Variants in PAFAH1B2 observed in about 807,000 individuals in gnomAD.
PAFAH1B2 encodes the protein platelet-activating factor acetylhydrolase IB subunit alpha2.
PAFAH1B2 carries 8 observed loss-of-function variants against 28.0 expected under a neutral mutation model. That is an observed-to-expected ratio of 0.29 (90% CI 0.17 to 0.52). PAFAH1B2 has a LOEUF of 0.52. Ranked by LOEUF, PAFAH1B2 falls within the 20% of genes least tolerant of loss-of-function variation. The pLI, the probability that PAFAH1B2 is intolerant of heterozygous loss-of-function variation, is 0.97. For synonymous variants in PAFAH1B2, 104 were observed against 103.2 expected (o/e 1.01, Z -0.05); for missense variants, 190 against 282.6 (o/e 0.67, Z 2.35).
chr11:117,175,124 A>C (rs914193964), downstream of PAFAH1B2: 24 of 1,236,252 alleles, frequency 1.9e-5, no homozygotes, highest in African/African-American at 3.7e-4. Context: ...ATATAAGTCA[A>C]ATAAGCCTTA....
downstream of PAFAH1B2, chr11:117,174,933 C>T (rs1026717002): frequency 1.3e-6 from 2 of 1,525,746 alleles, no homozygotes; most frequent in African/African-American, 1.4e-5. Context: ...GTCATTTTAA[C>T]AATACCCCTG....
chr11:117,152,496 G>C lies in PAFAH1B2; in HGVS notation c.49G>C (p.Asp17His). The change falls in exon 2 of 6, where the codon GAT (aspartate) becomes CAT (histidine). Residue 17 changes from aspartate to histidine, a missense_variant. By Grantham distance (81) the Asp-to-His change is moderately conservative. Coordinates refer to ENST00000527958, the MANE Select transcript of PAFAH1B2 (RefSeq NM_002572.4). Reference protein sequence around the residue: ...NPAAIPHAAEDIQGDDRWMSQ... With the variant: ...NPAAIPHAAEHIQGDDRWMSQ... Reference sequence around the variant, plus strand: ...AGCAGCTATTCCGCATGCAGCAGAAGATATTCAAGGAGATGACCGATGGAT... The same window carrying C: ...AGCAGCTATTCCGCATGCAGCAGAACATATTCAAGGAGATGACCGATGGAT... 6.2e-7 allele frequency: 1 copy of C among 1,613,826 alleles called. No homozygotes were observed. Among genetic ancestry groups the C allele is most frequent in the Non-Finnish European group, 8.5e-7 (1 of 1,179,684 alleles).
At chr11:117,175,187 A>G (rs2029904802), downstream of PAFAH1B2, 4 of 1,127,400 alleles carry the variant, frequency 3.5e-6, no homozygotes, top group African/African-American at 1.6e-5. Context: ...CTCTTTGTAT[A>G]TTATGCCAGG....
chr11:117,175,859 C>T, downstream of PAFAH1B2: 2 of 1,520,388 alleles, frequency 1.3e-6, no homozygotes, highest in Non-Finnish European at 1.8e-6. Context: ...GCCAGGAGTT[C>T]AAGACCAGCC....
intron 3 of PAFAH1B2, among the ~76,000 whole-genome samples, chr11:117,160,563 T>G (rs1332266980): frequency 6.6e-6 from 1 of 152,188 alleles, no homozygotes; most frequent in Non-Finnish European, 1.5e-5. Flanking sequence ...GCTCAAGAGA[T>G]TCTCATACCT....
chr11:117,157,039 G>GA (rs918067395), intron 2 of PAFAH1B2, among the ~76,000 whole-genome samples: 8 of 138,080 alleles, frequency 5.8e-5, no homozygotes, highest in South Asian at 2.4e-4. Flanking sequence ...TCTCAAAAAA[G>GA]AAAAAAAAAA....
At chr11:117,145,810 C>T (rs945524297) in intron 1 of PAFAH1B2, among the ~76,000 whole-genome samples, 1 of 152,180 alleles carries the variant, frequency 6.6e-6, no homozygotes, top group Non-Finnish European at 1.5e-5. Flanking sequence ...ATCTGTTTTC[C>T]TGGTTCAGAC....
intron 2 of PAFAH1B2, among the ~76,000 whole-genome samples, chr11:117,156,958 A>C (rs1339300970): frequency 6.6e-6 from 1 of 151,454 alleles, no homozygotes; most frequent in African/African-American, 2.4e-5. Context: ...TTGGGGCTGC[A>C]GTGAGCTGCC....
At chr11:117,160,076 A>G (rs903467186) in intron 3 of PAFAH1B2, 53 bp downstream of exon 3, 5 of 1,177,354 alleles carry the variant, frequency 4.2e-6, no homozygotes, top group African/African-American at 3.0e-5. Flanking sequence ...ATATCCATTC[A>G]TTACTAACAG....
downstream of PAFAH1B2, among the ~76,000 whole-genome samples, chr11:117,172,396 ATATATATATTTTTTTTTTTTT>A (rs1956689258): frequency 2.4e-3 from 6 of 2,498 alleles, no homozygotes; most frequent in Admixed American, 0.02. Context: ...ATATATATAT[ATATATATATTTTTTTTTTTTT>A]TTTTTTTTTT....
rs1956132880 is a variant in PAFAH1B2 at position 117,150,839 on chromosome 11, T to TTTTTAG, written c.-7-1601_-7-1600insTTTAGT. 9.2e-5 allele frequency among the ~76,000 whole-genome samples: 14 copies of TTTTTAG among 151,990 alleles called. No individual in the cohort carries two copies. In the South Asian group the frequency reaches 2.9e-3, roughly 32 times the overall value. ...CGTCTCTACTAAAAATACAAAAAAA[T>TTTTTAG]TAGCTGGGCGTGGTGGCGGGCGCTT... is the stretch of plus-strand genomic sequence containing the variant. On this transcript the variant is annotated intron_variant, in intron 1 of 5. Coordinates refer to ENST00000527958, the MANE Select transcript of PAFAH1B2 (RefSeq NM_002572.4).
chr11:117,174,164 T>TGTGTGTGTGTGTGTGTGTG (rs1555034628), downstream of PAFAH1B2, among the ~76,000 whole-genome samples: 44 of 138,916 alleles, frequency 3.2e-4, no homozygotes, highest in Non-Finnish European at 5.1e-4. Context: ...TTCATGTCTT[T>TGTGTGTGTGTGTGTGTGTG]TGTGTGTGTG....
intron 4 of PAFAH1B2, among the ~76,000 whole-genome samples, chr11:117,162,846 G>A (rs1336853834): frequency 6.6e-6 from 1 of 151,894 alleles, no homozygotes; most frequent in Non-Finnish European, 1.5e-5. Context: ...TTTATACCGT[G>A]ACAGGTTCTT....
chr11:117,152,524 C>G lies in PAFAH1B2; in HGVS notation c.77C>G (p.Ser26Cys). The G allele has an allele frequency of 1.2e-6, 2 of 1,607,040 alleles. No individual in the cohort carries two copies. Among genetic ancestry groups the G allele is most frequent in the Non-Finnish European group, 1.7e-6 (2 of 1,173,506 alleles). The change falls in exon 2 of 6, where the codon TCT (serine) becomes TGT (cysteine). Residue 26 changes from serine to cysteine, a missense_variant. Physicochemically the swap from Ser to Cys is moderately radical, Grantham distance 112. Coordinates refer to ENST00000527958, the MANE Select transcript of PAFAH1B2 (RefSeq NM_002572.4). ...ATTCAAGGAGATGACCGATGGATGTCTCAGGTAAAAGGAAGTGCATGTGTA... is the reference window on the plus strand; with the variant it reads ...ATTCAAGGAGATGACCGATGGATGTGTCAGGTAAAAGGAAGTGCATGTGTA... ...EDIQGDDRWM[S>C]QHNRFVLDCK...
At chr11:117,152,676 C>T in intron 2 of PAFAH1B2, 148 bp downstream of exon 2, 2 of 639,142 alleles carry the variant, frequency 3.1e-6, no homozygotes, top group East Asian at 5.4e-5. Flanking sequence ...CTTCAGCCTC[C>T]CATATAGCTG....
chr11:117,172,375 TATATATATATATATATATATA>T (rs1956676746), downstream of PAFAH1B2, among the ~76,000 whole-genome samples: 11 of 2,492 alleles, frequency 4.4e-3, no homozygotes, highest in African/African-American at 0.012. Flanking sequence ...TATATATATA[TATATATATATATATATATATA>T]TATATATATT....
At chr11:117,167,400 A>G (rs1223401641) in intron 5 of PAFAH1B2, 21 bp from the exon 6 acceptor site, 1 of 1,526,822 alleles carries the variant, frequency 6.5e-7, no homozygotes, top group African/African-American at 1.4e-5. Flanking sequence ...TTCTAATTTA[A>G]TGTTTTCCAC....
chr11:117,170,776 A>C lies in PAFAH1B2; in HGVS notation c.*3077A>C. On this transcript the variant is annotated 3_prime_UTR_variant, in exon 6 of 6. Coordinates refer to ENST00000527958, the MANE Select transcript of PAFAH1B2 (RefSeq NM_002572.4). Reference sequence around the variant, plus strand: ...TTATATTTATTGCAGTGAAGAAGAAACTAAAAATATATGGAAATGAGGAGC... The same window carrying C: ...TTATATTTATTGCAGTGAAGAAGAACCTAAAAATATATGGAAATGAGGAGC... The C allele has an allele frequency of 9.4e-7, 1 of 1,060,616 alleles. No individual in the cohort carries two copies. Among genetic ancestry groups the C allele is most frequent in the Non-Finnish European group, 1.1e-6 (1 of 876,314 alleles). 65.7% of individuals were successfully genotyped at this position (1,060,616 alleles called of 1,614,324 possible).
At chr11:117,151,705 AGT>A (rs923949145) in intron 1 of PAFAH1B2, among the ~76,000 whole-genome samples, 5 of 151,222 alleles carry the variant, frequency 3.3e-5, no homozygotes, top group African/African-American at 1.2e-4. Context: ...TAATTCTGTA[AGT>A]GTTTTTTTTT....
Sources: allele counts gnomAD v4.1 joint callset (sites outside exome capture counted in the v4.1 genomes callset), GRCh38; gene constraint gnomAD v4.1.1; transcripts MANE v1.5; gene names NCBI Gene and HGNC (gene_info 2026-07-23, HGNC 2026-07-21).